Variants in TSR1 observed in about 807,000 individuals in gnomAD.
TSR1 encodes pre-rRNA-processing protein TSR1 homolog.
TSR1 carries 81 observed loss-of-function variants against 90.9 expected under a neutral mutation model. The observed-to-expected ratio is 0.89, with a 90% confidence interval of 0.74 to 1.07. The LOEUF (loss-of-function observed/expected upper bound fraction) is 1.07, where lower values mean the gene tolerates loss of function less well. Among genes scored for constraint, TSR1 ranks in the 50% least tolerant of loss-of-function variants. The pLI is 0.00. For missense variants in TSR1, 989 were observed against 987.3 expected (o/e 1.00, Z -0.02); for synonymous variants, 362 against 348.8 (o/e 1.04, Z -0.42).
Position 2,324,609 on chromosome 17 carries a change from G to A in TSR1, c.2162-31C>T, listed in dbSNP as rs957617834. The A allele has an allele frequency of 1.9e-6, 3 of 1,613,862 alleles. No homozygotes were observed. In the African/African-American group the frequency reaches 4.0e-5, roughly 22 times the overall value. On this transcript the variant is annotated intron_variant, in intron 13 of 14. Coordinates refer to ENST00000301364, the MANE Select transcript of TSR1 (RefSeq NM_018128.5). ...AATCAAACACATTAAAGACCAAGAT[G>A]AAACATTTACCCACAAAATGTAAAC...
At chr17:2,329,111 A>G (rs1439511483) in intron 11 of TSR1, 20 of 757,418 alleles carry the variant, frequency 2.6e-5, no homozygotes, top group Non-Finnish European at 4.3e-5. Flanking sequence ...CTATGGAACA[A>G]ATACTCATGG....
chr17:2,325,558 T>G (rs907904805), intron 11 of TSR1, 138 bp from the exon 12 acceptor site: 14 of 635,262 alleles, frequency 2.2e-5, no homozygotes, highest in Middle Eastern at 5.1e-4. Flanking sequence ...TTCTCAAAAA[T>G]TTTCGCTGCC....
chr17:2,330,488 C>T (rs1431543016), intron 10 of TSR1, 27 bp downstream of exon 10: 1 of 1,597,928 alleles, frequency 6.3e-7, no homozygotes, highest in East Asian at 2.2e-5. Context: ...TCACAACCCC[C>T]CATTTTCCCA....
intron 8 of TSR1, among the ~76,000 whole-genome samples, chr17:2,331,899 T>C (rs568624404): frequency 6.6e-6 from 1 of 152,346 alleles, no homozygotes; most frequent in East Asian, 1.9e-4. Flanking sequence ...AATTGAGTAC[T>C]GGCTCCTTTG....
Position 2,334,587 on chromosome 17 carries a change from A to G in TSR1, c.866T>C (p.Leu289Pro), listed in dbSNP as rs1175499944. ...RGQTLNVNRLLHIVGYGDFQM... is the reference protein window; with the variant it reads ...RGQTLNVNRLPHIVGYGDFQM... ...GAAATCACCATATCCAACGATATGC[A>G]GCAACCTATTGACATTCAGAGTCTG... The change falls in exon 5 of 15, where the codon CTG becomes CCG. Residue 289 changes from leucine to proline, a missense_variant. Physicochemically the swap from Leu to Pro is moderately conservative, Grantham distance 98. Transcript: ENST00000301364. The G allele has an allele frequency of 6.2e-7, 1 of 1,614,186 alleles. No homozygotes were observed. The highest frequency in any genetic ancestry group is 1.3e-5 in the African/African-American group (1 of 75,050).
chr17:2,330,589 G>C lies in TSR1; in HGVS notation c.1696C>G (p.Pro566Ala). ...CTGAAGCACTCGACCACTGAGACGG[G>C]GACTTCAGAGACATGAAGTGTGACA... ...WYVTLHVSEV[P>A]VSVVECFRQG... Residue 566 changes from proline (P) to alanine (A), a missense_variant, in exon 10 of 15, where the codon CCC (proline) becomes GCC (alanine). Pro to Ala is a conservative substitution (Grantham distance 27). Coordinates refer to ENST00000301364, the MANE Select transcript of TSR1 (RefSeq NM_018128.5). 8 of 1,613,480 alleles carry C rather than the reference G, an allele frequency of 5.0e-6. No homozygotes were observed. The highest frequency in any genetic ancestry group is 1.1e-5 in the South Asian group (1 of 91,018).
rs905595596 is a variant in TSR1 at position 2,329,359 on chromosome 17, G to A, written c.1887C>T (p.Phe629=). The A allele has an allele frequency of 6.2e-7, 1 of 1,614,094 alleles. No individual in the cohort carries two copies. The highest frequency in any genetic ancestry group is 1.3e-5 in the African/African-American group (1 of 74,922). Residue 629 remains phenylalanine (F), a synonymous_variant, in exon 11 of 15, where the codon TTC becomes TTT. Coordinates refer to ENST00000301364, the MANE Select transcript of TSR1 (RefSeq NM_018128.5). ...ATTGCTAACCTGCAGTGTGCTGAGA[G>A]AATAAAGGTGAGGCTCGGAAGCGCC... ...GFRRFRASPL[F]SQHTAADKHK...
chr17:2,335,935 C>G (rs534329192), intron 2 of TSR1, 102 bp downstream of exon 2: 1 of 1,355,960 alleles, frequency 7.4e-7, no homozygotes, highest in Non-Finnish European at 1.0e-6. Flanking sequence ...TAGGGCTATG[C>G]TCTGTCCCTG....
In TSR1 at chr17:2,333,639, T is replaced by C. The variant is rs764079038; in HGVS notation, c.1059A>G (p.Glu353=). The part of the protein sequence containing the change: ...VLMKADPGRQ[E]SLQAEVIPDP... ...CTGGGATAACCTCTGCTTGCAAGGATTCCTGTCTACCAGGGTCTGCCTTCA... is the reference window on the plus strand; with the variant it reads ...CTGGGATAACCTCTGCTTGCAAGGACTCCTGTCTACCAGGGTCTGCCTTCA... The change falls in exon 6 of 15, where the codon GAA becomes GAG. Residue 353 remains glutamate (E), a synonymous_variant. Transcript: ENST00000301364. 6.2e-6 allele frequency: 10 copies of C among 1,614,034 alleles called. No individual in the cohort carries two copies. The highest frequency in any genetic ancestry group is 8.5e-6 in the Non-Finnish European group (10 of 1,180,042).
intron 8 of TSR1, 92 bp from the exon 9 acceptor site, chr17:2,331,201 T>C: frequency 9.4e-7 from 1 of 1,065,090 alleles, no homozygotes; most frequent in African/African-American, 1.6e-5. Flanking sequence ...AGGAGCTAGC[T>C]GAAAAGAACT....
Position 2,332,017 on chromosome 17 carries a change from T to TG in TSR1, c.1496+151dup. ...TAATTACATATGACCATTTCCCGTATGTATGTCCTGCCTTCCCATATTAAA... is the reference window on the plus strand; with the variant it reads ...TAATTACATATGACCATTTCCCGTATGGTATGTCCTGCCTTCCCATATTAAA... On this transcript the variant is annotated intron_variant, in intron 8 of 14. Transcript: ENST00000301364. The TG allele has an allele frequency of 3.8e-6, 3 of 785,626 alleles. No individual in the cohort carries two copies. In the South Asian group the frequency reaches 5.5e-5, roughly 14 times the overall value. 48.7% of individuals were successfully genotyped at this position (785,626 alleles called of 1,614,324 possible). A position where few individuals can be genotyped will look rare whatever the true frequency, so the allele number is the denominator to read the frequency against.
At position 2,323,082 on chromosome 17, in the gene TSR1, A is replaced by G; in HGVS notation, c.*1114T>C. Reference sequence around the variant, plus strand: ...ACCAGGCCCATATTTTCTTTTAGACATGCAGGCAATGTTGTGGTTTGTTGT... The same window carrying G: ...ACCAGGCCCATATTTTCTTTTAGACGTGCAGGCAATGTTGTGGTTTGTTGT... On this transcript the variant is annotated 3_prime_UTR_variant, in exon 15 of 15. Coordinates refer to ENST00000301364, the MANE Select transcript of TSR1 (RefSeq NM_018128.5). 2 of 1,573,694 alleles carry G rather than the reference A, an allele frequency of 1.3e-6. No homozygotes were observed. Among genetic ancestry groups the G allele is most frequent in the Non-Finnish European group, 1.7e-6 (2 of 1,144,220 alleles).
chr17:2,325,783 T>C (rs1447078905), intron 11 of TSR1, among the ~76,000 whole-genome samples: 1 of 152,014 alleles, frequency 6.6e-6, no homozygotes, highest in African/African-American at 2.4e-5. Flanking sequence ...CGGCTAATTT[T>C]TGTATTTTTA....
chr17:2,330,426 T>G lies in TSR1; in HGVS notation c.1770+89A>C, dbSNP rs573357595. ...ACTTTTTGCATCCCAATGAGCAAAATTTTAGTCACACATAAACAGAATTTT... is the reference window on the plus strand; with the variant it reads ...ACTTTTTGCATCCCAATGAGCAAAAGTTTAGTCACACATAAACAGAATTTT... On this transcript the variant is annotated intron_variant, in intron 10 of 14. Coordinates refer to ENST00000301364, the MANE Select transcript of TSR1 (RefSeq NM_018128.5). The G allele has an allele frequency of 8.8e-5, 108 of 1,227,352 alleles. No homozygotes were observed. The African/African-American group carries it at 1.4e-3, about 16-fold the overall frequency. The allele number at this position is 1,227,352 out of a possible 1,614,324, so 76.0% of individuals were successfully genotyped here.
intron 14 of TSR1, 36 bp from the exon 15 acceptor site, chr17:2,324,410 A>C (rs753229621): frequency 6.3e-7 from 1 of 1,599,956 alleles, no homozygotes; most frequent in Non-Finnish European, 8.5e-7. Context: ...TCAAATTAAA[A>C]GTAGAAAATT....
Position 2,334,712 on chromosome 17 carries a change from T to G in TSR1, c.741A>C (p.Arg247=). ...GGGCAAATAGGTAGGCCCGCCGATC[T>G]CGAAAAGCAAGATGCTGTTGCTTCT... ...ANQKQQHLAF[R]DRRAYLFAHA... The change falls in exon 5 of 15, where the codon CGA becomes CGC. Residue 247 remains arginine, a synonymous_variant. Transcript: ENST00000301364. 6.2e-7 allele frequency: 1 copy of G among 1,613,912 alleles called. No homozygotes were observed. Among genetic ancestry groups the G allele is most frequent in the Non-Finnish European group, 8.5e-7 (1 of 1,180,040 alleles).
intron 12 of TSR1, 69 bp from the exon 13 acceptor site, chr17:2,324,898 A>T: frequency 6.6e-7 from 1 of 1,526,424 alleles, no homozygotes; most frequent in South Asian, 1.3e-5. Context: ...TGCCCAGTCC[A>T]TTTAAAGACC....
intron 4 of TSR1, 25 bp from the exon 5 acceptor site, chr17:2,334,921 C>A (rs370688926): frequency 2.5e-5 from 39 of 1,589,626 alleles, no homozygotes; most frequent in Non-Finnish European, 3.3e-5. Flanking sequence ...GAAAACGCTT[C>A]ATGACCTACT....
intron 12 of TSR1, 102 bp from the exon 13 acceptor site, chr17:2,324,931 T>C: frequency 1.5e-6 from 2 of 1,370,302 alleles, no homozygotes; most frequent in Admixed American, 2.7e-5. Context: ...TGGTTTGTCA[T>C]CCCTGCCCTA....
Sources: allele counts gnomAD v4.1 joint callset (sites outside exome capture counted in the v4.1 genomes callset), GRCh38; gene constraint gnomAD v4.1.1; transcripts MANE v1.5; gene names NCBI Gene and HGNC (gene_info 2026-07-23, HGNC 2026-07-21).